PCDHGB7: variants seen among roughly 807,000 people sequenced by gnomAD.
The protein encoded by PCDHGB7 is protocadherin gamma-B7.
A neutral mutation model predicts 61.4 loss-of-function variants in PCDHGB7; 37 were observed. The ratio of observed to expected loss-of-function variants is 0.60; its 90% CI spans 0.46 to 0.79. The LOEUF (loss-of-function observed/expected upper bound fraction) is 0.79, where lower values mean the gene tolerates loss of function less well. PCDHGB7 is among the 30% of genes least tolerant of loss of function. PCDHGB7 has a pLI of 0.00. For missense variants in PCDHGB7, 1,166 were observed against 1,202.5 expected, an observed-to-expected ratio of 0.97 and a Z score of 0.45; for synonymous variants, 464 against 503.5, an observed-to-expected ratio of 0.92 and a Z score of 1.05.
rs2099883850 is a variant in PCDHGB7, at chr5:141,511,565, A to T, written c.*392A>T. The T allele has an allele frequency of 3.4e-6, 1 of 295,974 alleles. No homozygotes were observed. Among genetic ancestry groups the T allele is most frequent in the African/African-American group, 2.2e-5 (1 of 46,502 alleles). The allele number at this position is 295,974 out of a possible 1,614,324, so 18.3% of individuals were successfully genotyped here. The stretch of plus-strand genomic sequence containing the variant: ...CCACTCCAACAGTTCCTCTTTCCCG[A>T]GTAAGGTGGTTGGGGTGTTGAAGTA... On this transcript the variant is annotated 3_prime_UTR_variant, in exon 4 of 4. Coordinates refer to ENST00000398594, the MANE Select transcript of PCDHGB7 (RefSeq NM_018927.4).
chr5:141,498,940 A>G (rs527366029), intron 2 of PCDHGB7, among the ~76,000 whole-genome samples: 57 of 140,142 alleles, frequency 4.1e-4, no homozygotes, highest in Non-Finnish European at 7.3e-4. Flanking sequence ...CAGGAAAGAA[A>G]GAAAGAAAAA....
chr5:141,431,227 C>A lies in PCDHGB7; in HGVS notation c.2415+10953C>A, dbSNP rs759752051. On this transcript the variant is annotated intron_variant, in intron 1 of 3. Transcript: ENST00000398594. This position sits in a 1 kb window ranked among gnomAD's most constrained non-coding sequence, Gnocchi z 4.8. Reference sequence around the variant, plus strand: ...CTGAGATGCGGTTCCCTCTACCCCACGCCTGGGATCCGGATATCGGGAAGA... The same window carrying A: ...CTGAGATGCGGTTCCCTCTACCCCAAGCCTGGGATCCGGATATCGGGAAGA... 6.2e-7 allele frequency: 1 copy of A among 1,614,180 alleles called. No homozygotes were observed. The highest frequency in any genetic ancestry group is 8.5e-7 in the Non-Finnish European group (1 of 1,180,042).
intron 2 of PCDHGB7, among the ~76,000 whole-genome samples, chr5:141,502,431 G>A (rs998074347): frequency 1.3e-5 from 2 of 151,948 alleles, no homozygotes; most frequent in African/African-American, 4.8e-5. Context: ...TTCTCTGATG[G>A]TTAGATTCAG....
chr5:141,422,360 G>C (rs766368774), intron 1 of PCDHGB7: 1 of 1,559,254 alleles, frequency 6.4e-7, no homozygotes, highest in African/African-American at 1.4e-5. Context: ...CAAGATTCTG[G>C]AGAAAATGGT....
chr5:141,435,804 A>AT (rs2097781092), intron 1 of PCDHGB7, among the ~76,000 whole-genome samples: 1 of 151,814 alleles, frequency 6.6e-6, no homozygotes, highest in Non-Finnish European at 1.5e-5. Flanking sequence ...CGTCCCAATT[A>AT]TTTTTTCTTT....
chr5:141,479,703 C>T (rs1219257838), intron 1 of PCDHGB7: 1 of 152,182 alleles, frequency 6.6e-6, no homozygotes, highest in African/African-American at 2.4e-5. Context: ...AGTGTTAGTC[C>T]CTGTCCTTCC....
chr5:141,505,589 C>T, intron 3 of PCDHGB7, 108 bp downstream of exon 3: 1 of 1,573,272 alleles, frequency 6.4e-7, no homozygotes, highest in Non-Finnish European at 8.6e-7. Context: ...GTAGTTTCTC[C>T]AGATCTTTCG....
chr5:141,479,188 A>G (rs2099489531), intron 1 of PCDHGB7: 1 of 152,606 alleles, frequency 6.6e-6, no homozygotes. Context: ...TAGAAAATTC[A>G]GAAAATACAG....
chr5:141,450,842 T>TTTTA (rs1387012749), intron 1 of PCDHGB7, among the ~76,000 whole-genome samples: 1 of 148,196 alleles, frequency 6.7e-6, no homozygotes, highest in African/African-American at 2.5e-5. Context: ...TTTTTTTTTT[T>TTTTA]GAGATGGGGT....
intron 1 of PCDHGB7, among the ~76,000 whole-genome samples, chr5:141,425,471 T>A (rs2096877403): frequency 6.6e-6 from 1 of 152,218 alleles, no homozygotes; most frequent in African/African-American, 2.4e-5. Flanking sequence ...TGTTATTAAT[T>A]CCTATGGCAA....
chr5:141,431,163 A>G lies in PCDHGB7; in HGVS notation c.2415+10889A>G. On this transcript the variant is annotated intron_variant, in intron 1 of 3. Transcript: ENST00000398594. This position sits in a 1 kb window ranked among gnomAD's most constrained non-coding sequence, Gnocchi z 4.8. ...AACGACAATGCGCCTTACTTTCGTG[A>G]AAGTGAATTAGAAATAAAAATTAGT... 1 of 1,614,246 alleles carries G rather than the reference A, an allele frequency of 6.2e-7. No individual in the cohort carries two copies. Among genetic ancestry groups the G allele is most frequent in the Non-Finnish European group, 8.5e-7 (1 of 1,180,036 alleles).
At position 141,486,931 on chromosome 5, in the gene PCDHGB7, T is replaced by C. The variant is rs201042803; in HGVS notation, c.2416-7876T>C. 2 of 1,614,258 alleles carry C rather than the reference T, an allele frequency of 1.2e-6. No homozygotes were observed. Among genetic ancestry groups the C allele is most frequent in the East Asian group, 2.2e-5 (1 of 44,876 alleles). ...AAGCACTGCCTCCATCAGTTGGTGC[T>C]GGCCACCTAATCACAAAGGTGACTG... On this transcript the variant is annotated intron_variant, in intron 1 of 3. Coordinates refer to ENST00000398594, the MANE Select transcript of PCDHGB7 (RefSeq NM_018927.4). This position sits in a 1 kb window ranked among gnomAD's most constrained non-coding sequence, Gnocchi z 5.0.
In PCDHGB7 at chr5:141,418,589, C is replaced by T. The variant is rs184213052; in HGVS notation, c.730C>T (p.Gln244Ter). 8.1e-6 allele frequency: 13 copies of T among 1,613,896 alleles called. No individual in the cohort carries two copies. Among genetic ancestry groups the T allele is most frequent in the African/African-American group, 6.7e-5 (5 of 74,924 alleles). ...DANDNPPVFS[Q>*]DVYRVSLRED... ...CAATGACAACCCCCCAGTGTTCAGC[C>T]AGGACGTGTACAGGGTTAGCCTTCG... Residue 244 changes from glutamine to a stop codon, truncating the protein, a stop_gained, in exon 1 of 4, where the codon CAG (glutamine) becomes TAG (stop). Transcript: ENST00000398594. LOFTEE classifies it high-confidence loss of function.
At position 141,431,965 on chromosome 5, in the gene PCDHGB7, T is replaced by G. The variant is rs765281339; in HGVS notation, c.2415+11691T>G. ...TAGAAAAATCTTACGGAAATTACTATAGTTTAGTCACAGACATAGTCTTGG... is the reference window on the plus strand; with the variant it reads ...TAGAAAAATCTTACGGAAATTACTAGAGTTTAGTCACAGACATAGTCTTGG... On this transcript the variant is annotated intron_variant, in intron 1 of 3. Coordinates refer to ENST00000398594, the MANE Select transcript of PCDHGB7 (RefSeq NM_018927.4). This position sits in a 1 kb window ranked among gnomAD's most constrained non-coding sequence, Gnocchi z 4.8. The G allele has an allele frequency of 1.2e-6, 2 of 1,614,216 alleles. No individual in the cohort carries two copies. Among genetic ancestry groups the G allele is most frequent in the East Asian group, 4.5e-5 (2 of 44,892 alleles).
At position 141,432,612 on chromosome 5, in the gene PCDHGB7, C is replaced by A. The variant is rs752901891; in HGVS notation, c.2415+12338C>A. On this transcript the variant is annotated intron_variant, in intron 1 of 3. Transcript: ENST00000398594. This position sits in a 1 kb window ranked among gnomAD's most constrained non-coding sequence, Gnocchi z 6.0. ...AAGGCCAGCGAGCCGGGACTCTTCT[C>A]GGTGGGTCTGCACACGGGCGAGGTG... 1 of 1,613,912 alleles carries A rather than the reference C, an allele frequency of 6.2e-7. No individual in the cohort carries two copies. The highest frequency in any genetic ancestry group is 1.1e-5 in the South Asian group (1 of 91,062).
chr5:141,427,887 C>A (rs759734297), intron 1 of PCDHGB7: 2 of 1,565,908 alleles, frequency 1.3e-6, no homozygotes, highest in Admixed American at 1.7e-5. Flanking sequence ...GGCCCACGAC[C>A]AGGGCTCGCC....
chr5:141,448,756 C>T (rs938202200), intron 1 of PCDHGB7, among the ~76,000 whole-genome samples: 1 of 151,742 alleles, frequency 6.6e-6, no homozygotes, highest in African/African-American at 2.4e-5. Context: ...CTGGCTAACA[C>T]GGTGAAACCC....
At chr5:141,480,942 G>T (rs2099528600) in intron 1 of PCDHGB7, among the ~76,000 whole-genome samples, 3 of 152,132 alleles carry the variant, frequency 2.0e-5, no homozygotes, top group Non-Finnish European at 2.9e-5. Flanking sequence ...CTACTCTAGA[G>T]GCTGAGGCGG....
Position 141,476,443 on chromosome 5 carries a change from G to A in PCDHGB7, c.2416-18364G>A, listed in dbSNP as rs752285213. 1 of 1,614,044 alleles carries A rather than the reference G, an allele frequency of 6.2e-7. No individual in the cohort carries two copies. The highest frequency in any genetic ancestry group is 8.5e-7 in the Non-Finnish European group (1 of 1,180,038). ...TGCCCTCTTGCACTGTAACTCTGGAGTTGGTAGTGGAGAACCCGCTGGAGC... is the reference window on the plus strand; with the variant it reads ...TGCCCTCTTGCACTGTAACTCTGGAATTGGTAGTGGAGAACCCGCTGGAGC... On this transcript the variant is annotated intron_variant, in intron 1 of 3. Transcript: ENST00000398594. This position sits in a 1 kb window ranked among gnomAD's most constrained non-coding sequence, Gnocchi z 7.6.
Sources: gnomAD v4.1 joint callset for allele counts (sites outside exome capture counted in the v4.1 genomes callset) on GRCh38, gnomAD v4.1.1 for gene constraint, Gnocchi (gnomAD v3.1) non-coding constraint, MANE v1.5 for transcripts, NCBI Gene and HGNC (gene_info 2026-07-23, HGNC 2026-07-21) for gene names.